KAZN: variants seen among roughly 807,000 people sequenced by gnomAD.
KAZN encodes the protein kazrin.
Under a neutral mutation model 87.4 loss-of-function variants are expected in KAZN, and 40 were observed. That is an observed-to-expected ratio of 0.46 (90% confidence interval 0.36 to 0.60). KAZN has a LOEUF of 0.60. Among genes scored for constraint, KAZN ranks in the 20% least tolerant of loss-of-function variants. The probability of loss-of-function intolerance (pLI) is 0.00; values close to 1 mark genes in which losing one functional copy is unlikely to be tolerated. For missense variants in KAZN, 898 were observed against 1,073.9 expected (o/e 0.84, Z 2.29); for synonymous variants, 466 against 458.3 (o/e 1.02, Z -0.22).
chr1:14,421,104 T>A (rs1007687198), intron 2 of KAZN, among the ~76,000 whole-genome samples: 1 of 152,232 alleles, frequency 6.6e-6, no homozygotes, highest in African/African-American at 2.4e-5. Flanking sequence ...TCTTAAACAC[T>A]ATGCCTTAGG....
At chr1:14,586,710 T>C (rs1427435645) in intron 2 of KAZN, among the ~76,000 whole-genome samples, 1 of 152,052 alleles carries the variant, frequency 6.6e-6, no homozygotes, top group Non-Finnish European at 1.5e-5. Context: ...TATGTTTTTT[T>C]TTTACTTTTT....
intron 2 of KAZN, among the ~76,000 whole-genome samples, chr1:14,517,777 C>T (rs1266286250): frequency 6.6e-6 from 1 of 152,226 alleles, no homozygotes; most frequent in Admixed American, 6.5e-5. Context: ...ACCAGGTCCA[C>T]ACAGCTGCCA....
chr1:14,240,503 G>T (rs1648842122), intron 2 of KAZN, among the ~76,000 whole-genome samples: 1 of 152,226 alleles, frequency 6.6e-6, no homozygotes, highest in African/African-American at 2.4e-5. Context: ...CTCGTGGGTT[G>T]TGCCCAGGAA....
chr1:14,680,037 G>T (rs1316983086), intron 1 of KAZN, among the ~76,000 whole-genome samples: 1 of 152,180 alleles, frequency 6.6e-6, no homozygotes, highest in Non-Finnish European at 1.5e-5. Flanking sequence ...AATGTTTAAA[G>T]CCGGCAGATG....
chr1:15,070,079 T>C (rs886820162), intron 8 of KAZN, among the ~76,000 whole-genome samples: 1 of 152,134 alleles, frequency 6.6e-6, no homozygotes, highest in Admixed American at 6.5e-5. Flanking sequence ...ACAATAGAAG[T>C]GGGCCTCAAA....
In KAZN at chr1:14,739,307, G is replaced by T. The variant is rs116194042; in HGVS notation, c.226+140084G>T. Among the ~76,000 whole-genome samples, 1,469 of 152,204 alleles carry T rather than the reference G, an allele frequency of 9.7e-3. 23 individuals carry two copies. Among genetic ancestry groups the T allele is most frequent in the African/African-American group, 0.033 (1,364 of 41,528 alleles). On this transcript the variant is annotated intron_variant, in intron 1 of 14. Transcript: ENST00000376030. ...TTGTCAAGCCAAATTTTAAATCCGG[G>T]ACTGTGTGAAGTGAGAAGCTATTGG...
At chr1:14,847,633 A>T (rs999378383) in intron 1 of KAZN, among the ~76,000 whole-genome samples, 1 of 152,210 alleles carries the variant, frequency 6.6e-6, no homozygotes, top group South Asian at 2.1e-4. Context: ...AATCTGTTCC[A>T]TGATGCCAGG....
chr1:15,017,834 A>T (rs1300985765), intron 2 of KAZN, among the ~76,000 whole-genome samples: 1 of 151,638 alleles, frequency 6.6e-6, no homozygotes, highest in Non-Finnish European at 1.5e-5. Flanking sequence ...ATTCTGGGGG[A>T]TACCCCGATG....
At chr1:14,428,545 T>C (rs1290960091) in intron 2 of KAZN, among the ~76,000 whole-genome samples, 1 of 152,210 alleles carries the variant, frequency 6.6e-6, no homozygotes, top group Non-Finnish European at 1.5e-5. Flanking sequence ...TTAAATTATA[T>C]GTATTAGTCC....
chr1:14,992,498 C>G (rs1667449963), intron 2 of KAZN, among the ~76,000 whole-genome samples: 1 of 152,202 alleles, frequency 6.6e-6, no homozygotes, highest in Non-Finnish European at 1.5e-5. Flanking sequence ...TTCAGAGATG[C>G]AAAGCCCAGT....
intron 2 of KAZN, among the ~76,000 whole-genome samples, chr1:14,561,924 A>G (rs1025250717): frequency 3.0e-4 from 46 of 152,056 alleles, no homozygotes; most frequent in African/African-American, 1.0e-3. Flanking sequence ...AGAAGAAAAA[A>G]GTTTCAAAAA....
At chr1:14,552,815 T>A (rs886092288) in intron 2 of KAZN, among the ~76,000 whole-genome samples, 6 of 152,178 alleles carry the variant, frequency 3.9e-5, no homozygotes, top group Non-Finnish European at 8.8e-5. Context: ...TATTATCTAA[T>A]TTAGTGCTCA....
At chr1:14,504,159 G>A (rs368974163) in intron 2 of KAZN, among the ~76,000 whole-genome samples, 4 of 152,264 alleles carry the variant, frequency 2.6e-5, no homozygotes, top group East Asian at 3.9e-4. Flanking sequence ...AAAGTATCAC[G>A]GTTTGTGTTT....
intron 2 of KAZN, among the ~76,000 whole-genome samples, chr1:14,391,190 A>C (rs966786611): frequency 3.3e-5 from 5 of 152,132 alleles, no homozygotes; most frequent in Non-Finnish European, 7.4e-5. Flanking sequence ...AGTGGTGAGG[A>C]GCAGCTGTGC....
intron 1 of KAZN, among the ~76,000 whole-genome samples, chr1:13,983,186 C>T (rs1392520962): frequency 6.6e-6 from 1 of 152,218 alleles, no homozygotes; most frequent in Non-Finnish European, 1.5e-5. Flanking sequence ...CTTGGGTGGT[C>T]GATGGGACTG....
chr1:14,739,305 G>A (rs755390960), intron 1 of KAZN, among the ~76,000 whole-genome samples: 1 of 152,082 alleles, frequency 6.6e-6, no homozygotes, highest in Non-Finnish European at 1.5e-5. Flanking sequence ...TTTTAAATCC[G>A]GGACTGTGTG....
intron 2 of KAZN, among the ~76,000 whole-genome samples, chr1:14,257,975 GAA>G (rs201805345): frequency 2.7e-4 from 24 of 87,970 alleles, no homozygotes; most frequent in African/African-American, 9.8e-4. Context: ...AAAAAAAAGA[GAA>G]AAAAAAAAAA....
intron 2 of KAZN, among the ~76,000 whole-genome samples, chr1:14,977,996 G>T (rs1046767630): frequency 6.8e-6 from 1 of 148,112 alleles, no homozygotes; most frequent in Non-Finnish European, 1.5e-5. Flanking sequence ...TGGTTCAAGC[G>T]ATTCTCCTGC....
rs1228184787 is a variant in KAZN, at chr1:15,117,007, G to A, written c.*2372G>A. ...TGAGGCTCCCCATCCCTGACAGCCAGGTGAGCATTTGGAGCTGGTTTCTCA... is the reference window on the plus strand; with the variant it reads ...TGAGGCTCCCCATCCCTGACAGCCAAGTGAGCATTTGGAGCTGGTTTCTCA... On this transcript the variant is annotated 3_prime_UTR_variant, in exon 15 of 15. Transcript: ENST00000376030. 1 of 152,240 alleles carries A rather than the reference G, an allele frequency of 6.6e-6. No individual in the cohort carries two copies. The highest frequency in any genetic ancestry group is 6.5e-5 in the Admixed American group (1 of 15,282). The allele number at this position is 152,240 out of a possible 1,614,324, so 9.4% of individuals were successfully genotyped here. A position where few individuals can be genotyped will look rare whatever the true frequency, so the allele number is the denominator to read the frequency against.
Sources: gnomAD v4.1 joint callset for allele counts (sites outside exome capture counted in the v4.1 genomes callset) on GRCh38, gnomAD v4.1.1 for gene constraint, MANE v1.5 for transcripts, NCBI Gene and HGNC (gene_info 2026-07-23, HGNC 2026-07-21) for gene names.